CCDC192: variants seen among roughly 807,000 people sequenced by gnomAD.
CCDC192 encodes coiled-coil domain containing 192, also known as coiled-coil domain-containing protein 192.
intron 2 of CCDC192, among the ~76,000 whole-genome samples, chr5:127,724,012 G>A (rs775354134): frequency 6.6e-6 from 1 of 152,170 alleles, no homozygotes; most frequent in Non-Finnish European, 1.5e-5. Context: ...GTTTTTCTAA[G>A]TTTGATTAGA....
At position 127,843,580 on chromosome 5, in the gene CCDC192, G is replaced by A. The variant is rs528724702; in HGVS notation, c.412-31958G>A. ...AGCCTCCCGAGTAGCTGGTATTACA[G>A]GCATGCACTACCATGCCTGGCTAAC... On this transcript the variant is annotated intron_variant, in intron 5 of 6. Transcript: ENST00000514853. 4.4e-4 allele frequency among the ~76,000 whole-genome samples: 67 copies of A among 152,090 alleles called. 1 individual carries two copies. The highest frequency in any genetic ancestry group is 3.5e-3 in the South Asian group (17 of 4,812).
At chr5:127,727,358 G>C (rs1313936802) in intron 2 of CCDC192, among the ~76,000 whole-genome samples, 1 of 152,076 alleles carries the variant, frequency 6.6e-6, no homozygotes, top group East Asian at 1.9e-4. Context: ...TGCAATCCCA[G>C]CTACTCAGGA....
chr5:127,851,904 G>A (rs1366087414), intron 5 of CCDC192, among the ~76,000 whole-genome samples: 1 of 152,160 alleles, frequency 6.6e-6, no homozygotes, highest in African/African-American at 2.4e-5. Flanking sequence ...TTACCAACTG[G>A]TTTGCCAGAA....
Position 127,726,008 on chromosome 5 carries a change from A to C in CCDC192, c.114+18248A>C, listed in dbSNP as rs193211323. 5.0e-4 allele frequency among the ~76,000 whole-genome samples: 76 copies of C among 152,212 alleles called. No individual in the cohort carries two copies. In the East Asian group the frequency reaches 7.9e-3, roughly 16 times the overall value. On this transcript the variant is annotated intron_variant, in intron 2 of 6. Transcript: ENST00000514853. ...TTTTTTTAAGTCATAGTTGAAAATA[A>C]TTGATGAATAAGAAAAAAATAATTC...
At chr5:127,913,090 A>G (rs1753420903) in intron 6 of CCDC192, among the ~76,000 whole-genome samples, 1 of 152,192 alleles carries the variant, frequency 6.6e-6, no homozygotes, top group Admixed American at 6.5e-5. Context: ...GACAAGACAA[A>G]TGGTTTTGGG....
intron 5 of CCDC192, among the ~76,000 whole-genome samples, chr5:127,826,650 G>A (rs1015744700): frequency 5.4e-5 from 8 of 147,304 alleles, no homozygotes; most frequent in African/African-American, 2.0e-4. Context: ...AGATGGGAGA[G>A]GGAGGGAGGG....
At chr5:127,858,033 A>G (rs1307021983) in intron 5 of CCDC192, among the ~76,000 whole-genome samples, 1 of 152,236 alleles carries the variant, frequency 6.6e-6, no homozygotes, top group Non-Finnish European at 1.5e-5. Context: ...GCTTATATGT[A>G]TAATGGGAAT....
At chr5:127,726,525 C>A (rs1752333100) in intron 2 of CCDC192, among the ~76,000 whole-genome samples, 2 of 152,196 alleles carry the variant, frequency 1.3e-5, no homozygotes, top group Admixed American at 1.3e-4. Context: ...GAAGGTCGCC[C>A]AGAGAAGGGG....
At chr5:127,768,886 T>C (rs998840726) in intron 3 of CCDC192, among the ~76,000 whole-genome samples, 2 of 152,228 alleles carry the variant, frequency 1.3e-5, no homozygotes, top group African/African-American at 4.8e-5. Flanking sequence ...ATTTTTAAAG[T>C]GCTTGCCAAT....
intron 3 of CCDC192, among the ~76,000 whole-genome samples, chr5:127,764,434 A>G (rs1471342337): frequency 2.0e-5 from 3 of 152,242 alleles, no homozygotes; most frequent in Non-Finnish European, 4.4e-5. Flanking sequence ...TCAGGTGACT[A>G]CGTAACCTGT....
chr5:127,940,303 A>G (rs1384514530), intron 6 of CCDC192: 2 of 152,210 alleles, frequency 1.3e-5, no homozygotes, highest in African/African-American at 2.4e-5. Context: ...ATGAATCTGT[A>G]TGGGAAATAC....
chr5:127,875,521 T>C lies in CCDC192; in HGVS notation c.412-17T>C, dbSNP rs907364216. On this transcript the variant is annotated splice_polypyrimidine_tract_variant and intron_variant, in intron 5 of 6. Transcript: ENST00000514853. ...CTGTCCCTAGTGATGGAAACTCTTA[T>C]TTTTTTTTTTTTTAAGAAACTAAAG... 5.0e-4 allele frequency: 7 copies of C among 14,066 alleles called. No individual in the cohort carries two copies. Among genetic ancestry groups the C allele is most frequent in the Non-Finnish European group, 8.0e-4 (6 of 7,530 alleles). The allele number at this position is 14,066 out of a possible 1,614,324, so 0.9% of individuals were successfully genotyped here.
At chr5:127,876,063 AT>A (rs55862955) in intron 6 of CCDC192, among the ~76,000 whole-genome samples, 4,719 of 128,758 alleles carry the variant, frequency 0.037, 218 homozygotes, top group African/African-American at 0.12. Context: ...AGAGAACAGA[AT>A]TTTTTTTTTT....
chr5:127,751,465 G>A (rs1449009169), intron 2 of CCDC192, among the ~76,000 whole-genome samples: 1 of 152,026 alleles, frequency 6.6e-6, no homozygotes, highest in Non-Finnish European at 1.5e-5. Flanking sequence ...TGGCTTGTAG[G>A]GTTTCTGCCG....
chr5:127,854,795 A>G (rs1439685355), intron 5 of CCDC192, among the ~76,000 whole-genome samples: 1 of 152,234 alleles, frequency 6.6e-6, no homozygotes, highest in Non-Finnish European at 1.5e-5. Flanking sequence ...AGTGCATATA[A>G]AAGTTACTTT....
intron 3 of CCDC192, among the ~76,000 whole-genome samples, chr5:127,757,502 G>C (rs868351983): frequency 6.6e-6 from 1 of 151,940 alleles, no homozygotes; most frequent in Admixed American, 6.6e-5. Context: ...CCAATGTTTA[G>C]TCTCTTCCTT....
intron 3 of CCDC192, among the ~76,000 whole-genome samples, chr5:127,789,481 T>C (rs1324437130): frequency 6.6e-6 from 1 of 152,248 alleles, no homozygotes; most frequent in Admixed American, 6.5e-5. Context: ...TAAATTATCT[T>C]TGCATTCTAG....
chr5:127,841,433 CAAG>C (rs576922095), intron 5 of CCDC192, among the ~76,000 whole-genome samples: 33 of 152,236 alleles, frequency 2.2e-4, no homozygotes, highest in African/African-American at 7.7e-4. Flanking sequence ...GATTTGCAAA[CAAG>C]GAGTGATTTT....
intron 5 of CCDC192, among the ~76,000 whole-genome samples, chr5:127,874,240 C>T (rs1751976988): frequency 6.6e-6 from 1 of 152,156 alleles, no homozygotes. Flanking sequence ...CCTCTAACTC[C>T]CCTTAAAGAA....
Sources: gnomAD v4.1 joint callset for allele counts (sites outside exome capture counted in the v4.1 genomes callset) on GRCh38, gnomAD v4.1.1 for gene constraint, MANE v1.5 for transcripts, NCBI Gene and HGNC (gene_info 2026-07-23, HGNC 2026-07-21) for gene names.